The following PYGO1 variants were observed in gnomAD, a reference collection of about 807,000 sequenced individuals.
PYGO1 encodes pygopus homolog 1.
In PYGO1, 6 loss-of-function variants were observed where a neutral mutation model predicts 29.5. The ratio of observed to expected loss-of-function variants is 0.20; its 90% CI spans 0.11 to 0.40. PYGO1 has a LOEUF of 0.40. PYGO1 is among the 10% of genes least tolerant of loss of function. The probability of loss-of-function intolerance (pLI) is 1.00; values close to 1 mark genes in which losing one functional copy is unlikely to be tolerated. For synonymous variants in PYGO1, 186 were observed against 180.5 expected, an observed-to-expected ratio of 1.03 and a Z score of -0.24; for missense variants, 515 against 514.9, an observed-to-expected ratio of 1.00 and a Z score of 0.00.
chr15:55,539,622 A>G lies in PYGO1; in HGVS notation c.*6401T>C, dbSNP rs930427505. 1 of 152,068 alleles carries G rather than the reference A, an allele frequency of 6.6e-6. No homozygotes were observed. The highest frequency in any genetic ancestry group is 2.4e-5 in the African/African-American group (1 of 41,448). The allele number at this position is 152,068 out of a possible 1,614,324, so 9.4% of individuals were successfully genotyped here. On this transcript the variant is annotated 3_prime_UTR_variant, in exon 3 of 3. Coordinates refer to ENST00000563719, the MANE Select transcript of PYGO1 (RefSeq NM_001367806.1). ...AATAAATCCCTAACATGTAATACTA[A>G]ATTTTTAACATAAAATATAGAACTA...
In PYGO1 at chr15:55,571,258, T is replaced by C. The variant is rs150528378; in HGVS notation, c.49+16577A>G. On this transcript the variant is annotated intron_variant, in intron 1 of 2. Coordinates refer to ENST00000563719, the MANE Select transcript of PYGO1 (RefSeq NM_001367806.1). ...ATACTACATTCTGTTTATCCATTTA[T>C]CTGTAGATGCATACCTCGGTTGTTT... is the stretch of plus-strand genomic sequence containing the variant. Among the ~76,000 whole-genome samples the C allele has an allele frequency of 3.4e-4, 52 of 152,374 alleles. 1 individual carries two copies. In the East Asian group the frequency reaches 5.2e-3, roughly 15 times the overall value.
rs941954060 is a variant in PYGO1, at chr15:55,588,143, G to C, written c.-260C>G. The C allele has an allele frequency of 4.2e-6, 3 of 706,690 alleles. No individual in the cohort carries two copies. Among genetic ancestry groups the C allele is most frequent in the South Asian group, 6.3e-5 (1 of 15,772 alleles). The allele number at this position is 706,690 out of a possible 1,614,324, so 43.8% of individuals were successfully genotyped here. ...CGGTGGCCGGGAGCGCGGCCTGGGG[G>C]CGGCCCCCCACCCGGGGCCGGCATG... is the stretch of plus-strand genomic sequence containing the variant. On this transcript the variant is annotated 5_prime_UTR_variant, in exon 1 of 3. Coordinates refer to ENST00000563719, the MANE Select transcript of PYGO1 (RefSeq NM_001367806.1).
chr15:55,574,393 G>A (rs73413277), intron 1 of PYGO1, among the ~76,000 whole-genome samples: 12,251 of 152,186 alleles, frequency 0.081, 797 homozygotes, highest in East Asian at 0.22. Flanking sequence ...ATGGTGCCAC[G>A]TAGGGTCTGC....
intron 1 of PYGO1, among the ~76,000 whole-genome samples, chr15:55,576,394 T>C (rs1209865843): frequency 1.6e-5 from 2 of 123,662 alleles, no homozygotes; most frequent in African/African-American, 3.2e-5. Context: ...AGGCGGAGCT[T>C]GCAGTGAGCC....
At chr15:55,566,972 T>A (rs1038498285) in intron 1 of PYGO1, among the ~76,000 whole-genome samples, 2 of 152,084 alleles carry the variant, frequency 1.3e-5, no homozygotes, top group Non-Finnish European at 2.9e-5. Context: ...GCTCAAGCAA[T>A]CCACCTACCT....
At position 55,542,583 on chromosome 15, in the gene PYGO1, A is replaced by C. The variant is rs2141638767; in HGVS notation, c.*3440T>G. The C allele has an allele frequency of 6.6e-6, 1 of 152,300 alleles. No individual in the cohort carries two copies. The highest frequency in any genetic ancestry group is 2.4e-5 in the African/African-American group (1 of 41,568). 9.4% of individuals were successfully genotyped at this position (152,300 alleles called of 1,614,324 possible). A position where few individuals can be genotyped will look rare whatever the true frequency, so the allele number is the denominator to read the frequency against. On this transcript the variant is annotated 3_prime_UTR_variant, in exon 3 of 3. Transcript: ENST00000563719. ...ACACCTAGAAGCATGTGGACCACAA[A>C]TTCTCTAGTGCATGAGCAAGTCAAG...
intron 1 of PYGO1, 105 bp from the exon 2 acceptor site, chr15:55,549,100 G>T: frequency 3.5e-6 from 3 of 853,476 alleles, no homozygotes; most frequent in Non-Finnish European, 5.2e-6. Context: ...TTCTATTTTC[G>T]TTAGACAAGA....
chr15:55,546,393 T>C lies in PYGO1; in HGVS notation c.890A>G (p.Asn297Ser), dbSNP rs1394072810. Residue 297 changes from asparagine (N) to serine (S), a missense_variant, in exon 3 of 3, where the codon AAT (asparagine) becomes AGT (serine). Transcript: ENST00000563719. Reference protein sequence around the residue: ...SRSSSTEATNNNPANGTQNKP... With the variant: ...SRSSSTEATNSNPANGTQNKP... ...ATTCTGCGTCCCATTTGCAGGGTTA[T>C]TGTTTGTGGCTTCAGTGCTACTTGA... is the stretch of plus-strand genomic sequence containing the variant. The C allele has an allele frequency of 3.7e-6, 6 of 1,614,216 alleles. No homozygotes were observed. Among genetic ancestry groups the C allele is most frequent in the Non-Finnish European group, 4.2e-6 (5 of 1,180,034 alleles).
In PYGO1 at chr15:55,543,492, A is replaced by C. The variant is rs1017276380; in HGVS notation, c.*2531T>G. 4 of 152,294 alleles carry C rather than the reference A, an allele frequency of 2.6e-5. No homozygotes were observed. Among genetic ancestry groups the C allele is most frequent in the African/African-American group, 9.6e-5 (4 of 41,570 alleles). 9.4% of individuals were successfully genotyped at this position (152,294 alleles called of 1,614,324 possible). On this transcript the variant is annotated 3_prime_UTR_variant, in exon 3 of 3. Coordinates refer to ENST00000563719, the MANE Select transcript of PYGO1 (RefSeq NM_001367806.1). ...CTTATTTAAGTAAGGTGCTTTGAAG[A>C]CCTAAACACCTGAATAAAAATTCAC...
intron 1 of PYGO1, among the ~76,000 whole-genome samples, chr15:55,563,045 A>G (rs1191974250): frequency 6.6e-6 from 1 of 152,162 alleles, no homozygotes; most frequent in Non-Finnish European, 1.5e-5. Flanking sequence ...TTTCTTAATT[A>G]TAATGCCAAA....
chr15:55,575,791 C>A (rs1462202226), intron 1 of PYGO1, among the ~76,000 whole-genome samples: 1 of 152,160 alleles, frequency 6.6e-6, no homozygotes, highest in Non-Finnish European at 1.5e-5. Flanking sequence ...GGGTCCCAGG[C>A]CTACAGGGCT....
chr15:55,561,000 T>A (rs1413855592), intron 1 of PYGO1, among the ~76,000 whole-genome samples: 1 of 151,914 alleles, frequency 6.6e-6, no homozygotes, highest in East Asian at 1.9e-4. Context: ...AAAGTTCATA[T>A]GGAACCAGAA....
chr15:55,588,931 A>G (rs2059062828), upstream of PYGO1: 3 of 1,308,432 alleles, frequency 2.3e-6, no homozygotes, highest in Admixed American at 3.5e-5. Flanking sequence ...TCCACTTGGT[A>G]TTTTAACGAC....
Position 55,546,639 on chromosome 15 carries a change from G to A in PYGO1, c.644C>T (p.Pro215Leu), listed in dbSNP as rs777886311. ...VPGNNSNFTS[P>L]LESNHSFIPP... ...AATAAAAGAATGATTAGATTCTAACGGAGAAGTAAAATTTGAATTATTTCC... is the reference window on the plus strand; with the variant it reads ...AATAAAAGAATGATTAGATTCTAACAGAGAAGTAAAATTTGAATTATTTCC... The change falls in exon 3 of 3, where the codon CCG becomes CTG. Residue 215 changes from proline (P) to leucine (L), a missense_variant. Transcript: ENST00000563719. The A allele has an allele frequency of 1.7e-5, 27 of 1,613,730 alleles. No homozygotes were observed. The highest frequency in any genetic ancestry group is 1.3e-4 in the Admixed American group (8 of 59,942).
At chr15:55,584,629 A>C (rs1001200076) in intron 1 of PYGO1, among the ~76,000 whole-genome samples, 1 of 152,182 alleles carries the variant, frequency 6.6e-6, no homozygotes, top group Non-Finnish European at 1.5e-5. Context: ...GACTATCAGA[A>C]AGCAGCATAA....
chr15:55,586,528 C>A (rs1309330121), intron 1 of PYGO1, among the ~76,000 whole-genome samples: 1 of 152,188 alleles, frequency 6.6e-6, no homozygotes, highest in Non-Finnish European at 1.5e-5. Flanking sequence ...ATATCTATCA[C>A]CTTTGCTCAC....
intron 1 of PYGO1, among the ~76,000 whole-genome samples, chr15:55,583,737 C>A (rs776738818): frequency 6.6e-6 from 1 of 152,054 alleles, no homozygotes; most frequent in East Asian, 1.9e-4. Flanking sequence ...CAAACTCCTG[C>A]GCTGAAGTGA....
At position 55,578,858 on chromosome 15, in the gene PYGO1, T is replaced by C. The variant is rs192470391; in HGVS notation, c.49+8977A>G. Among the ~76,000 whole-genome samples the C allele has an allele frequency of 2.1e-3, 317 of 152,296 alleles. 4 individuals carry two copies. The highest frequency in any genetic ancestry group is 0.017 in the Admixed American group (267 of 15,304). On this transcript the variant is annotated intron_variant, in intron 1 of 2. Transcript: ENST00000563719. Reference sequence around the variant, plus strand: ...TTTTAAAATTTTGATGAAGTCCAATTTATCTATTTCTTCTTTGGTTAATTG... The same window carrying C: ...TTTTAAAATTTTGATGAAGTCCAATCTATCTATTTCTTCTTTGGTTAATTG...
chr15:55,586,350 T>G (rs540042463), intron 1 of PYGO1, among the ~76,000 whole-genome samples: 1 of 152,302 alleles, frequency 6.6e-6, no homozygotes, highest in South Asian at 2.1e-4. Flanking sequence ...TCACTCACTC[T>G]TATGCTCAAA....
Sources: allele counts gnomAD v4.1 joint callset (sites outside exome capture counted in the v4.1 genomes callset), GRCh38; gene constraint gnomAD v4.1.1; transcripts MANE v1.5; gene names NCBI Gene and HGNC (gene_info 2026-07-23, HGNC 2026-07-21).